The following TOX variants were observed in gnomAD, a reference collection of about 807,000 sequenced individuals.
The protein encoded by TOX is thymocyte selection associated high mobility group box, also known as thymocyte selection-associated high mobility group box protein TOX.
Under a neutral mutation model 53.7 loss-of-function variants are expected in TOX, and 11 were observed. The ratio of observed to expected loss-of-function variants is 0.20; its 90% CI spans 0.13 to 0.34. The LOEUF is 0.34. Ranked by LOEUF, TOX falls within the 10% of genes least tolerant of loss-of-function variation. TOX has a pLI of 1.00. For synonymous variants in TOX, 225 were observed against 245.3 expected (o/e 0.92, Z 0.77); for missense variants, 570 against 664.6 (o/e 0.86, Z 1.56).
intron 5 of TOX, among the ~76,000 whole-genome samples, chr8:58,831,447 C>CT (rs1307054671): frequency 1.3e-5 from 2 of 152,126 alleles, no homozygotes; most frequent in Non-Finnish European, 2.9e-5. Flanking sequence ...ACCTCTAATT[C>CT]TTTCAATAAA....
intron 5 of TOX, among the ~76,000 whole-genome samples, chr8:58,834,167 G>A (rs1292544533): frequency 6.6e-6 from 1 of 152,092 alleles, no homozygotes; most frequent in Non-Finnish European, 1.5e-5. Context: ...CTTAAATATT[G>A]TAATTTTCTG....
intron 1 of TOX, among the ~76,000 whole-genome samples, chr8:59,030,934 AC>A (rs1814344030): frequency 6.6e-6 from 1 of 152,244 alleles, no homozygotes. Context: ...TGGCAAAAAC[AC>A]ATCTAAACAT....
intron 7 of TOX, among the ~76,000 whole-genome samples, chr8:58,812,187 A>G (rs1249646938): frequency 3.9e-5 from 6 of 152,162 alleles, no homozygotes; most frequent in Admixed American, 3.9e-4. Flanking sequence ...GGGCCCCAAC[A>G]GACTGTGGCG....
intron 2 of TOX, among the ~76,000 whole-genome samples, chr8:58,955,732 CTTTTT>C (rs35575258): frequency 3.1e-5 from 4 of 130,396 alleles, no homozygotes; most frequent in Non-Finnish European, 4.9e-5. Context: ...GAAAAGGACA[CTTTTT>C]TTTTTTTTTT....
chr8:58,959,819 T>C, intron 2 of TOX, 124 bp downstream of exon 2: 1 of 1,083,366 alleles, frequency 9.2e-7, no homozygotes, highest in Non-Finnish European at 1.4e-6. Flanking sequence ...TTAAATGCTT[T>C]GTTTATAAAT....
chr8:58,868,090 T>C (rs958346907), intron 3 of TOX, among the ~76,000 whole-genome samples: 3 of 152,186 alleles, frequency 2.0e-5, no homozygotes, highest in Non-Finnish European at 4.4e-5. Flanking sequence ...TCTGTGTTCT[T>C]GTGATAGTGA....
At chr8:59,065,944 G>A (rs1456629875) in intron 1 of TOX, among the ~76,000 whole-genome samples, 1 of 152,162 alleles carries the variant, frequency 6.6e-6, no homozygotes, top group Non-Finnish European at 1.5e-5. Flanking sequence ...ATGACGGTTT[G>A]ATTGAGAGCA....
chr8:58,921,120 G>T (rs753242334), intron 3 of TOX, among the ~76,000 whole-genome samples: 1 of 152,170 alleles, frequency 6.6e-6, no homozygotes, highest in African/African-American at 2.4e-5. Context: ...AGAGGGCTGC[G>T]TCATGAAGTA....
In TOX at chr8:58,867,190, A is replaced by G. The variant is rs190476586; in HGVS notation, c.412-15385T>C. ...ACTCTTGGCAAAGACAGAAGTCAGAATCTTCTGGAATAGTACATTATATTT... is the reference window on the plus strand; with the variant it reads ...ACTCTTGGCAAAGACAGAAGTCAGAGTCTTCTGGAATAGTACATTATATTT... On this transcript the variant is annotated intron_variant, in intron 3 of 8. Coordinates refer to ENST00000361421, the MANE Select transcript of TOX (RefSeq NM_014729.3). Among the ~76,000 whole-genome samples, 518 of 152,344 alleles carry G rather than the reference A, an allele frequency of 3.4e-3. 4 individuals are homozygous for G. Among genetic ancestry groups the G allele is most frequent in the Admixed American group, 0.028 (424 of 15,302 alleles).
rs1804416223 is a variant in TOX at position 59,081,961 on chromosome 8, T to C, written c.102+36925A>G. Among the ~76,000 whole-genome samples, 3 of 152,206 alleles carry C rather than the reference T, an allele frequency of 2.0e-5. No individual in the cohort carries two copies. The South Asian group carries it at 6.2e-4, about 32-fold the overall frequency. On this transcript the variant is annotated intron_variant, in intron 1 of 8. Coordinates refer to ENST00000361421, the MANE Select transcript of TOX (RefSeq NM_014729.3). The stretch of plus-strand genomic sequence containing the variant: ...CAACTTAAAATGGATCGTTAAGTAC[T>C]TATAAAGGGGAAAAATAATAAAAAA...
Position 58,815,320 on chromosome 8 carries a change from C to T in TOX, c.1392+18G>A, listed in dbSNP as rs1426094505. 9 of 1,576,150 alleles carry T rather than the reference C, an allele frequency of 5.7e-6. No individual in the cohort carries two copies. The highest frequency in any genetic ancestry group is 2.7e-5 in the African/African-American group (2 of 74,426). ...AGAATAGGGGTGCACACTCTAAGTC[C>T]AGAGCCATTGCACTTACTTGCTGCA... On this transcript the variant is annotated intron_variant, in intron 7 of 8. Transcript: ENST00000361421.
At chr8:59,025,342 GTTTA>G (rs1248335025) in intron 1 of TOX, among the ~76,000 whole-genome samples, 2 of 152,090 alleles carry the variant, frequency 1.3e-5, no homozygotes, top group Non-Finnish European at 2.9e-5. Context: ...TTCACCAGCT[GTTTA>G]TTTAATTCAC....
chr8:58,854,658 T>C (rs1447401508), intron 3 of TOX, among the ~76,000 whole-genome samples: 1 of 152,094 alleles, frequency 6.6e-6, no homozygotes, highest in Non-Finnish European at 1.5e-5. Flanking sequence ...ACCAGTGGTG[T>C]TAGGTCAGGC....
chr8:59,022,954 A>G (rs571271417), intron 1 of TOX, among the ~76,000 whole-genome samples: 179 of 152,316 alleles, frequency 1.2e-3, no homozygotes, highest in Non-Finnish European at 2.1e-3. Flanking sequence ...AAAAGCTTCT[A>G]TGAAAAGCAC....
intron 3 of TOX, among the ~76,000 whole-genome samples, chr8:58,935,548 G>A (rs951772227): frequency 6.6e-6 from 1 of 152,132 alleles, no homozygotes; most frequent in African/African-American, 2.4e-5. Context: ...TTTATTAGTT[G>A]TTCTCATATT....
intron 3 of TOX, among the ~76,000 whole-genome samples, chr8:58,925,533 C>T (rs932337445): frequency 1.3e-5 from 2 of 152,168 alleles, no homozygotes; most frequent in African/African-American, 4.8e-5. Context: ...ATTTAATCCA[C>T]ACCACAAGAG....
At chr8:58,970,162 T>A (rs1222545830) in intron 1 of TOX, among the ~76,000 whole-genome samples, 2 of 152,168 alleles carry the variant, frequency 1.3e-5, no homozygotes, top group Non-Finnish European at 2.9e-5. Flanking sequence ...AACCCCACAG[T>A]CAGTCAGTTT....
chr8:58,984,450 A>T (rs1284190448), intron 1 of TOX, among the ~76,000 whole-genome samples: 1 of 152,170 alleles, frequency 6.6e-6, no homozygotes, highest in Non-Finnish European at 1.5e-5. Flanking sequence ...TAGAAATCAT[A>T]ACCACAAGGA....
At chr8:58,932,270 A>C (rs937376723) in intron 3 of TOX, among the ~76,000 whole-genome samples, 5 of 132,400 alleles carry the variant, frequency 3.8e-5, no homozygotes, top group African/African-American at 1.4e-4. Context: ...TATTCAAAAA[A>C]GGATAATTTG....
Sources: allele counts gnomAD v4.1 joint callset (sites outside exome capture counted in the v4.1 genomes callset), GRCh38; gene constraint gnomAD v4.1.1; transcripts MANE v1.5; gene names NCBI Gene and HGNC (gene_info 2026-07-23, HGNC 2026-07-21).